FUT8: variants seen among roughly 807,000 people sequenced by gnomAD.
The protein encoded by FUT8 is alpha-(1,6)-fucosyltransferase.
In FUT8, 29 loss-of-function variants were observed where a neutral mutation model predicts 71.3. The observed-to-expected ratio is 0.41, with a 90% confidence interval of 0.30 to 0.55. The LOEUF is 0.55. Ranked by LOEUF, FUT8 falls within the 20% of genes least tolerant of loss-of-function variation. FUT8 has a pLI of 0.34. For synonymous variants in FUT8, 254 were observed against 239.3 expected, an observed-to-expected ratio of 1.06 and a Z score of -0.57; for missense variants, 544 against 702.1, an observed-to-expected ratio of 0.77 and a Z score of 2.55.
At chr14:65,698,021 T>C (rs922754814) in intron 7 of FUT8, among the ~76,000 whole-genome samples, 5 of 152,014 alleles carry the variant, frequency 3.3e-5, no homozygotes, top group Admixed American at 1.3e-4. Context: ...GAAAATAAGT[T>C]GGTTTTAAAT....
intron 7 of FUT8, among the ~76,000 whole-genome samples, chr14:65,717,543 T>C (rs1895180209): frequency 8.4e-6 from 1 of 119,528 alleles, no homozygotes; most frequent in Non-Finnish European, 1.7e-5. Context: ...GCAGAGGCGC[T>C]CCTCACATCC....
chr14:65,476,614 A>G (rs953181694), intron 2 of FUT8, among the ~76,000 whole-genome samples: 4 of 144,808 alleles, frequency 2.8e-5, no homozygotes, highest in Non-Finnish European at 6.1e-5. Flanking sequence ...TTCTTTGTTC[A>G]AGTGGTAGAG....
chr14:65,724,192 C>G lies in FUT8; in HGVS notation c.1128C>G (p.Phe376Leu), dbSNP rs765128862. 3 of 1,607,846 alleles carry G rather than the reference C, an allele frequency of 1.9e-6. No homozygotes were observed. Among genetic ancestry groups the G allele is most frequent in the Non-Finnish European group, 2.5e-6 (3 of 1,178,490 alleles). ...ACAAAGTGGGAACAGAAGCTGCCTT[C>G]CATCCCATTGAAGAGTACATGGTGC... is the stretch of plus-strand genomic sequence containing the variant. ...RTDKVGTEAAFHPIEEYMVHV... is the reference protein window; with the variant it reads ...RTDKVGTEAALHPIEEYMVHV... The change falls in exon 9 of 11, where the codon TTC becomes TTG. Residue 376 changes from phenylalanine (F) to leucine (L), a missense_variant. By Grantham distance (22) the Phe-to-Leu change is conservative (BLOSUM62 0). Transcript: ENST00000673929.
the FUT8 span, among the ~76,000 whole-genome samples, chr14:65,390,180 A>G: frequency 2.0e-5 from 3 of 150,612 alleles, no homozygotes; most frequent in Non-Finnish European, 4.4e-5. Flanking sequence ...AAAAAATAAT[A>G]TTTATATATA....
chr14:65,430,110 CT>C (rs2065449942), intron 1 of FUT8: 1 of 151,728 alleles, frequency 6.6e-6, no homozygotes, highest in South Asian at 2.1e-4. Flanking sequence ...GCCTCGACCC[CT>C]GGGGCAGAAT....
the FUT8 span, among the ~76,000 whole-genome samples, chr14:65,356,949 CAT>C: frequency 1.3e-5 from 2 of 152,206 alleles, no homozygotes; most frequent in East Asian, 1.9e-4. This position sits in a 1 kb window ranked among gnomAD's most constrained non-coding sequence, Gnocchi z 4.6. Context: ...TCATTCAACT[CAT>C]GTGGTCAGGG....
At chr14:65,532,573 C>G (rs1463337503) in intron 2 of FUT8, among the ~76,000 whole-genome samples, 1 of 152,100 alleles carries the variant, frequency 6.6e-6, no homozygotes, top group Non-Finnish European at 1.5e-5. Flanking sequence ...GCAAAATTTT[C>G]TGTCATTCTG....
intron 10 of FUT8, among the ~76,000 whole-genome samples, chr14:65,738,741 C>T (rs536990388): frequency 2.6e-5 from 4 of 152,162 alleles, no homozygotes; most frequent in Non-Finnish European, 4.4e-5. Flanking sequence ...CGAACATTAA[C>T]ACTATAGTAA....
chr14:65,628,013 CG>C (rs1163275542), intron 5 of FUT8, among the ~76,000 whole-genome samples: 1 of 151,968 alleles, frequency 6.6e-6, no homozygotes, highest in African/African-American at 2.4e-5. Flanking sequence ...GGGTGATAGG[CG>C]GGAGTGTTGG....
At chr14:65,462,377 A>G (rs2065981070) in intron 2 of FUT8, among the ~76,000 whole-genome samples, 1 of 152,218 alleles carries the variant, frequency 6.6e-6, no homozygotes, top group Non-Finnish European at 1.5e-5. Context: ...CAGGTCACTT[A>G]AAGTTAGAAA....
At chr14:65,394,102 A>G in the FUT8 span, among the ~76,000 whole-genome samples, 1 of 152,138 alleles carries the variant, frequency 6.6e-6, no homozygotes, top group Admixed American at 6.5e-5. Flanking sequence ...GATTACACGC[A>G]TGCACCACCA....
intron 1 of FUT8, among the ~76,000 whole-genome samples, chr14:65,435,852 T>A (rs1595372425): frequency 6.6e-6 from 1 of 151,806 alleles, no homozygotes; most frequent in East Asian, 1.9e-4. Flanking sequence ...TATCATGTGG[T>A]TTTAGTTTGC....
At chr14:65,576,528 G>GTT (rs1299872271) in intron 3 of FUT8, among the ~76,000 whole-genome samples, 23 of 151,520 alleles carry the variant, frequency 1.5e-4, no homozygotes, top group African/African-American at 4.9e-4. Flanking sequence ...ACTTGTTTCC[G>GTT]TTTTTGTTTT....
chr14:65,391,831 A>G, the FUT8 span, among the ~76,000 whole-genome samples: 2 of 150,638 alleles, frequency 1.3e-5, no homozygotes, highest in African/African-American at 4.9e-5. Context: ...CATGTTGGTC[A>G]GGCTGGTCTC....
chr14:65,470,401 T>C (rs1224643367), intron 2 of FUT8, among the ~76,000 whole-genome samples: 1 of 152,050 alleles, frequency 6.6e-6, no homozygotes, highest in African/African-American at 2.4e-5. Context: ...GAGGCCTGGG[T>C]CTACCACCCA....
intron 2 of FUT8, among the ~76,000 whole-genome samples, chr14:65,498,696 C>T (rs1007195610): frequency 6.6e-6 from 1 of 152,174 alleles, no homozygotes; most frequent in African/African-American, 2.4e-5. Flanking sequence ...GTTAAAACTT[C>T]TAGTAGGCTT....
At chr14:65,684,629 C>T (rs1006620879) in intron 7 of FUT8, among the ~76,000 whole-genome samples, 4 of 152,116 alleles carry the variant, frequency 2.6e-5, no homozygotes, top group East Asian at 1.9e-4. Flanking sequence ...ATTATAACCC[C>T]GAGGTGTTAA....
intron 1 of FUT8, among the ~76,000 whole-genome samples, chr14:65,431,019 G>C (rs2065464640): frequency 7.9e-6 from 1 of 126,806 alleles, no homozygotes; most frequent in South Asian, 2.4e-4. Flanking sequence ...TTTTGAGACA[G>C]AGTTTCACTC....
rs539657174 is a variant in FUT8, at chr14:65,694,899, G to T, written c.835+25419G>T. On this transcript the variant is annotated intron_variant, in intron 7 of 10. Transcript: ENST00000673929. Reference sequence around the variant, plus strand: ...CACACTCTGGGGACTGTTGTGGGGTGGGGGGAGGGGGGAGGGATAGCTTTA... The same window carrying T: ...CACACTCTGGGGACTGTTGTGGGGTTGGGGGAGGGGGGAGGGATAGCTTTA... Among the ~76,000 whole-genome samples, 5 of 118,216 alleles carry T rather than the reference G, an allele frequency of 4.2e-5. No homozygotes were observed. The South Asian group carries it at 1.8e-3, about 43-fold the overall frequency. The allele number at this position is 118,216 out of a possible 152,430, so 77.6% of individuals were successfully genotyped here.
Sources: gnomAD v4.1 joint callset for allele counts (sites outside exome capture counted in the v4.1 genomes callset) on GRCh38, gnomAD v4.1.1 for gene constraint, Gnocchi (gnomAD v3.1) non-coding constraint, MANE v1.5 for transcripts, NCBI Gene and HGNC (gene_info 2026-07-23, HGNC 2026-07-21) for gene names.